SLC7A6: variants seen among roughly 807,000 people sequenced by gnomAD.
The protein encoded by SLC7A6 is Y+L amino acid transporter 2.
A neutral mutation model predicts 46.6 loss-of-function variants in SLC7A6; 29 were observed. The ratio of observed to expected loss-of-function variants is 0.62; its 90% CI spans 0.46 to 0.85. The LOEUF is 0.85. Among genes scored for constraint, SLC7A6 ranks in the 40% least tolerant of loss-of-function variants. The pLI is 0.00. For missense variants in SLC7A6, 527 were observed against 647.6 expected (o/e 0.81, Z 2.02); for synonymous variants, 276 against 257.3 (o/e 1.07, Z -0.70).
chr16:68,278,452 CTT>C (rs755853676), intron 3 of SLC7A6, among the ~76,000 whole-genome samples: 11 of 138,970 alleles, frequency 7.9e-5, no homozygotes, highest in Non-Finnish European at 7.9e-5. Flanking sequence ...ACCCTGCGGC[CTT>C]TTTTTTTTTT....
At chr16:68,279,431 T>C (rs960195792) in intron 3 of SLC7A6, among the ~76,000 whole-genome samples, 1 of 152,240 alleles carries the variant, frequency 6.6e-6, no homozygotes, top group African/African-American at 2.4e-5. Flanking sequence ...CAGTATAGTA[T>C]AGTGGTTAGG....
intron 3 of SLC7A6, among the ~76,000 whole-genome samples, chr16:68,280,799 A>T (rs1439438179): frequency 6.6e-6 from 1 of 151,278 alleles, no homozygotes; most frequent in Admixed American, 6.6e-5. Flanking sequence ...CAGTGGCGCG[A>T]TCTCGGCTCA....
At chr16:68,278,567 GC>G (rs1283405448) in intron 3 of SLC7A6, among the ~76,000 whole-genome samples, 1 of 151,162 alleles carries the variant, frequency 6.6e-6, no homozygotes, top group African/African-American at 2.4e-5. Context: ...ATCTTGCACT[GC>G]CCTTAATCCA....
intron 1 of SLC7A6, among the ~76,000 whole-genome samples, chr16:68,266,266 A>G (rs1228484158): frequency 1.3e-5 from 2 of 152,212 alleles, no homozygotes; most frequent in East Asian, 1.9e-4. Context: ...TCTCCAAAAA[A>G]AAAGAAAAAA....
intron 3 of SLC7A6, chr16:68,284,628 G>C: frequency 1.0e-6 from 1 of 984,602 alleles, no homozygotes; most frequent in Non-Finnish European, 1.2e-6. Context: ...GAAGGAGAAG[G>C]ATCAGAAGTG....
At chr16:68,270,655 C>T (rs1389353713) in intron 2 of SLC7A6, among the ~76,000 whole-genome samples, 1 of 152,180 alleles carries the variant, frequency 6.6e-6, no homozygotes, top group South Asian at 2.1e-4. Context: ...TCTCATCTTT[C>T]TCCCACTGCC....
intron 2 of SLC7A6, among the ~76,000 whole-genome samples, chr16:68,274,323 G>C (rs1012172428): frequency 2.0e-5 from 3 of 152,326 alleles, no homozygotes; most frequent in Admixed American, 2.0e-4. Context: ...AGGGACTCTG[G>C]TCTTCTCTGC....
At position 68,301,028 on chromosome 16, in the gene SLC7A6, T is replaced by G. The variant is rs2043262945; in HGVS notation, c.*3700T>G. ...TAAAGAAACCTTCCTTTTTTCAACG[T>G]TTTTTTTTCTTTCAAACTGTAGGGT... On this transcript the variant is annotated 3_prime_UTR_variant, in exon 11 of 11. Coordinates refer to ENST00000219343, the MANE Select transcript of SLC7A6 (RefSeq NM_003983.6). The G allele has an allele frequency of 1.7e-6, 2 of 1,149,704 alleles. No individual in the cohort carries two copies. Among genetic ancestry groups the G allele is most frequent in the Admixed American group, 9.4e-5 (2 of 21,206 alleles). 71.2% of individuals were successfully genotyped at this position (1,149,704 alleles called of 1,614,324 possible).
chr16:68,288,261 C>T (rs903139230), intron 4 of SLC7A6, among the ~76,000 whole-genome samples: 1 of 152,106 alleles, frequency 6.6e-6, no homozygotes, highest in Non-Finnish European at 1.5e-5. Flanking sequence ...AGACAGGTGG[C>T]AGGGTATATG....
intron 7 of SLC7A6, among the ~76,000 whole-genome samples, chr16:68,293,513 C>T (rs1002967440): frequency 4.6e-5 from 7 of 152,200 alleles, no homozygotes; most frequent in Non-Finnish European, 1.0e-4. Flanking sequence ...ACACCCTAGC[C>T]TCCCCCTGCT....
At chr16:68,296,560 G>T (rs748892924) in intron 9 of SLC7A6, 47 bp downstream of exon 9, 2 of 1,613,598 alleles carry the variant, frequency 1.2e-6, no homozygotes, top group African/African-American at 2.7e-5. Flanking sequence ...TCTCCCTAAG[G>T]TGGCTTCTTG....
intron 1 of SLC7A6, among the ~76,000 whole-genome samples, chr16:68,265,274 A>G (rs947111379): frequency 1.3e-5 from 2 of 152,120 alleles, no homozygotes; most frequent in African/African-American, 2.4e-5. Context: ...ATAGCCTGTC[A>G]TCTTGTGTGA....
At chr16:68,285,263 G>C (rs921145970) in intron 3 of SLC7A6, among the ~76,000 whole-genome samples, 6 of 152,116 alleles carry the variant, frequency 3.9e-5, no homozygotes, top group African/African-American at 1.4e-4. Context: ...GCTCAACTTG[G>C]GTCCAGTGTC....
chr16:68,279,603 A>G (rs1036599525), intron 3 of SLC7A6, among the ~76,000 whole-genome samples: 2 of 152,174 alleles, frequency 1.3e-5, no homozygotes, highest in African/African-American at 4.8e-5. Flanking sequence ...CAGTGGCTCA[A>G]TCTTGGCTCA....
chr16:68,295,348 A>G (rs966194864), intron 8 of SLC7A6, among the ~76,000 whole-genome samples: 1 of 152,232 alleles, frequency 6.6e-6, no homozygotes, highest in African/African-American at 2.4e-5. Context: ...GAACTTTTCT[A>G]TCATTTCATC....
At chr16:68,286,563 G>A (rs2042939226) in intron 3 of SLC7A6, among the ~76,000 whole-genome samples, 2 of 152,148 alleles carry the variant, frequency 1.3e-5, no homozygotes, top group South Asian at 4.1e-4. Flanking sequence ...TAAAAGTTCT[G>A]TTTTTGTATG....
chr16:68,293,948 A>G (rs147761161), intron 7 of SLC7A6, among the ~76,000 whole-genome samples: 1,643 of 152,030 alleles, frequency 0.011, 32 homozygotes, highest in African/African-American at 0.038. Flanking sequence ...CCCAGGCTGG[A>G]GTGCAATGGT....
intron 3 of SLC7A6, among the ~76,000 whole-genome samples, chr16:68,277,841 G>C (rs981541102): frequency 6.7e-6 from 1 of 150,226 alleles, no homozygotes; most frequent in Non-Finnish European, 1.5e-5. Flanking sequence ...TGGTCAGGCT[G>C]GTCTTGAACT....
chr16:68,273,855 C>T (rs948518397), intron 2 of SLC7A6: 2 of 151,436 alleles, frequency 1.3e-5, no homozygotes, highest in Non-Finnish European at 2.9e-5. Flanking sequence ...ACCTCCGACT[C>T]CCTGGTTCAA....
Sources: allele counts gnomAD v4.1 joint callset (sites outside exome capture counted in the v4.1 genomes callset), GRCh38; gene constraint gnomAD v4.1.1; transcripts MANE v1.5; gene names NCBI Gene and HGNC (gene_info 2026-07-23, HGNC 2026-07-21).